LPIN2: variants seen among roughly 807,000 people sequenced by gnomAD.
The protein encoded by LPIN2 is phosphatidate phosphatase LPIN2.
In LPIN2, 55 loss-of-function variants were observed where a neutral mutation model predicts 111.4. That is an observed-to-expected ratio of 0.49 (90% confidence interval 0.40 to 0.62). The LOEUF (loss-of-function observed/expected upper bound fraction) is 0.62, where lower values mean the gene tolerates loss of function less well. Ranked by LOEUF, LPIN2 falls within the 20% of genes least tolerant of loss-of-function variation. The pLI is 0.00. For synonymous variants in LPIN2, 425 were observed against 414.0 expected, an observed-to-expected ratio of 1.03 and a Z score of -0.32; for missense variants, 992 against 1,112.1, an observed-to-expected ratio of 0.89 and a Z score of 1.54.
At chr18:2,957,086 T>G (rs781185704) in intron 2 of LPIN2, among the ~76,000 whole-genome samples, 6 of 152,252 alleles carry the variant, frequency 3.9e-5, no homozygotes, top group Non-Finnish European at 8.8e-5. Flanking sequence ...ATAGTCTTAC[T>G]TCTTACACTG....
intron 13 of LPIN2, 80 bp downstream of exon 13, chr18:2,926,643 G>T: frequency 8.0e-7 from 1 of 1,243,734 alleles, no homozygotes; most frequent in Non-Finnish European, 1.1e-6. Flanking sequence ...AACTAAACAA[G>T]CTGCCAAAAT....
intron 9 of LPIN2, among the ~76,000 whole-genome samples, chr18:2,929,859 G>A (rs2077188760): frequency 6.6e-6 from 1 of 152,204 alleles, no homozygotes; most frequent in Non-Finnish European, 1.5e-5. Flanking sequence ...GCAGTGAGCT[G>A]AGATGGTGCC....
chr18:2,934,690 T>C (rs534505907), intron 7 of LPIN2, among the ~76,000 whole-genome samples: 2 of 152,372 alleles, frequency 1.3e-5, no homozygotes, highest in South Asian at 2.1e-4. Context: ...TTGCTGTTAA[T>C]TGAGTAATAC....
intron 1 of LPIN2, among the ~76,000 whole-genome samples, chr18:2,973,548 T>C (rs1322908501): frequency 6.6e-6 from 1 of 152,248 alleles, no homozygotes; most frequent in Non-Finnish European, 1.5e-5. Flanking sequence ...AGTACCCCAC[T>C]GCATGGATGT....
chr18:2,926,906 A>C lies in LPIN2; in HGVS notation c.1711-101T>G. ...TAGGAAAGAACACAACTGCCTTCTGAACCCACAACTTAAAAATGCTCAAAA... is the reference window on the plus strand; with the variant it reads ...TAGGAAAGAACACAACTGCCTTCTGCACCCACAACTTAAAAATGCTCAAAA... On this transcript the variant is annotated intron_variant, in intron 12 of 19. Coordinates refer to ENST00000677752, the MANE Select transcript of LPIN2 (RefSeq NM_001375808.2). The C allele has an allele frequency of 3.4e-6, 3 of 871,346 alleles. No homozygotes were observed. In the South Asian group the frequency reaches 4.2e-5, roughly 12 times the overall value. The allele number at this position is 871,346 out of a possible 1,614,324, so 54.0% of individuals were successfully genotyped here.
intron 1 of LPIN2, among the ~76,000 whole-genome samples, chr18:2,967,414 T>A (rs76868425): frequency 0.015 from 2,348 of 152,234 alleles, 63 homozygotes; most frequent in African/African-American, 0.053. Context: ...TGGTAAAAAC[T>A]TCCCCCCAAA....
At chr18:2,964,019 C>T (rs1026487311) in intron 1 of LPIN2, among the ~76,000 whole-genome samples, 9 of 151,884 alleles carry the variant, frequency 5.9e-5, no homozygotes, top group Admixed American at 3.3e-4. Context: ...TAGTGGCTCA[C>T]GCCTGTAATC....
chr18:2,949,633 C>T (rs571765813), intron 4 of LPIN2, among the ~76,000 whole-genome samples: 25 of 151,862 alleles, frequency 1.6e-4, no homozygotes, highest in Non-Finnish European at 3.5e-4. Flanking sequence ...TTAAAAATGG[C>T]TATGTTACTT....
intron 15 of LPIN2, among the ~76,000 whole-genome samples, chr18:2,924,144 A>AT (rs984397657): frequency 8.5e-5 from 13 of 152,194 alleles, no homozygotes; most frequent in African/African-American, 3.1e-4. Context: ...GCTTGTTTTC[A>AT]TATCAGAATT....
In LPIN2 at chr18:2,927,700, C is replaced by T. The variant is rs1355428531; in HGVS notation, c.1710+22G>A. ...ATTCATTTCTTTCAGCCCACGGAAA[C>T]AATGACCTCTAGGTCTGTTACCTGT... On this transcript the variant is annotated intron_variant, in intron 12 of 19. Coordinates refer to ENST00000677752, the MANE Select transcript of LPIN2 (RefSeq NM_001375808.2). 2.5e-6 allele frequency: 4 copies of T among 1,610,726 alleles called. No individual in the cohort carries two copies. In the Admixed American group the frequency reaches 5.0e-5, roughly 20 times the overall value.
chr18:3,004,773 T>C (rs1397129521), intron 1 of LPIN2, among the ~76,000 whole-genome samples: 3 of 152,194 alleles, frequency 2.0e-5, no homozygotes, highest in Non-Finnish European at 2.9e-5. Flanking sequence ...TTAGGGATCA[T>C]GTTGTATGAG....
At chr18:2,993,175 GGAAAAAA>G (rs1048475792) in intron 1 of LPIN2, among the ~76,000 whole-genome samples, 12 of 141,012 alleles carry the variant, frequency 8.5e-5, no homozygotes, top group Non-Finnish European at 1.9e-4. Flanking sequence ...AAAGGAAGAA[GGAAAAAA>G]GAAGAAAGGA....
Position 2,934,426 on chromosome 18 carries a change from T to C in LPIN2, c.1193A>G (p.Gln398Arg), listed in dbSNP as rs763247417. Residue 398 changes from glutamine to arginine, a missense_variant, in exon 8 of 20, where the codon CAG becomes CGG. By Grantham distance (43) the Gln-to-Arg change is conservative. Coordinates refer to ENST00000677752, the MANE Select transcript of LPIN2 (RefSeq NM_001375808.2). Reference sequence around the variant, plus strand: ...ATCAAGGTAAATATCATCAGGTCCCTGGTGTTGGCTTCTTTTGTGAACACC... The same window carrying C: ...ATCAAGGTAAATATCATCAGGTCCCCGGTGTTGGCTTCTTTTGTGAACACC... Reference protein sequence around the residue: ...KKGVHKRSQHQGPDDIYLDDL... With the variant: ...KKGVHKRSQHRGPDDIYLDDL... 5.0e-6 allele frequency: 8 copies of C among 1,613,406 alleles called. No individual in the cohort carries two copies. The highest frequency in any genetic ancestry group is 6.8e-6 in the Non-Finnish European group (8 of 1,179,596).
intron 13 of LPIN2, among the ~76,000 whole-genome samples, chr18:2,926,138 G>C (rs1568516319): frequency 1.3e-5 from 2 of 152,060 alleles, no homozygotes. Context: ...ACAAAAACTA[G>C]TAAGAAAAAT....
intron 1 of LPIN2, among the ~76,000 whole-genome samples, chr18:2,976,762 A>T (rs1219980181): frequency 6.6e-6 from 1 of 152,242 alleles, no homozygotes; most frequent in Non-Finnish European, 1.5e-5. Context: ...TTTTTAGTAT[A>T]AGAAGAAATG....
intron 1 of LPIN2, among the ~76,000 whole-genome samples, chr18:2,972,699 C>T (rs756574864): frequency 5.9e-5 from 9 of 152,166 alleles, no homozygotes; most frequent in Non-Finnish European, 7.4e-5. Context: ...AAAGGGGGCC[C>T]CAACTCCCTT....
intron 15 of LPIN2, 96 bp from the exon 16 acceptor site, chr18:2,923,957 T>C (rs1229285755): frequency 3.1e-6 from 3 of 958,166 alleles, no homozygotes; most frequent in African/African-American, 3.2e-5. Context: ...AACTAATTGG[T>C]GGCGGGACAC....
intron 4 of LPIN2, chr18:2,945,946 G>C: frequency 1.4e-6 from 2 of 1,401,748 alleles, no homozygotes; most frequent in Non-Finnish European, 2.0e-6. Flanking sequence ...AAAATCAGAA[G>C]TTTTTCTTCT....
At chr18:2,984,081 C>A (rs1234744346) in intron 1 of LPIN2, among the ~76,000 whole-genome samples, 1 of 152,186 alleles carries the variant, frequency 6.6e-6, no homozygotes, top group Non-Finnish European at 1.5e-5. Context: ...CTAAACTTCA[C>A]AAAAGACAAA....
Sources: allele counts gnomAD v4.1 joint callset (sites outside exome capture counted in the v4.1 genomes callset), GRCh38; gene constraint gnomAD v4.1.1; transcripts MANE v1.5; gene names NCBI Gene and HGNC (gene_info 2026-07-23, HGNC 2026-07-21).